Variants in BCORL1 observed in about 807,000 individuals in gnomAD.
BCORL1 encodes BCL-6 corepressor-like protein 1.
Under a neutral mutation model 87.6 loss-of-function variants are expected in BCORL1, and 7 were observed. The ratio of observed to expected loss-of-function variants is 0.08; its 90% CI spans 0.05 to 0.15. BCORL1 has a LOEUF of 0.15. Among genes scored for constraint, BCORL1 ranks in the 10% least tolerant of loss-of-function variants. BCORL1 has a pLI of 1.00. For synonymous variants in BCORL1, 591 were observed against 634.4 expected (o/e 0.93, Z 1.03); for missense variants, 1,215 against 1,499.7 (o/e 0.81, Z 3.13).
At position 130,014,775 on chromosome X, in the gene BCORL1, C is replaced by T. The variant is rs1418507497; in HGVS notation, c.2003C>T (p.Thr668Ile). 1.7e-6 allele frequency: 2 copies of T among 1,211,796 alleles called. No individual in the cohort carries two copies. Residue 668 changes from threonine to isoleucine, a missense_variant, in exon 4 of 14, where the codon ACA becomes ATA. Thr to Ile is a moderately conservative substitution (Grantham distance 89, BLOSUM62 -1). Transcript: ENST00000540052. Reference sequence around the variant, plus strand: ...ACAGTCCTGTCTAGGTCTCAGCGCACAACCCAGGCTGCCGGTGGCAATGTC... The same window carrying T: ...ACAGTCCTGTCTAGGTCTCAGCGCATAACCCAGGCTGCCGGTGGCAATGTC... The part of the protein sequence containing the change: ...LSTVLSRSQR[T>I]TQAAGGNVTS...
chrX:130,002,931 G>A (rs1359684984), intron 1 of BCORL1, among the ~76,000 whole-genome samples: 1 of 110,275 alleles, frequency 9.1e-6, no homozygotes, highest in Non-Finnish European at 1.9e-5. Context: ...CTTTGGGGTG[G>A]GCAGTGGAAG....
intron 6 of BCORL1, among the ~76,000 whole-genome samples, chrX:130,024,255 CGGTGAGGAACAGCTACAACCG>C (rs1239208240): frequency 9.0e-6 from 1 of 110,599 alleles, no homozygotes; most frequent in African/African-American, 3.3e-5. Flanking sequence ...GCTTGCCCAG[CGGTGAGGAACAGCTACAACCG>C]GGTGGAGGGA....
chrX:130,009,202 C>T (rs962089205), intron 2 of BCORL1, among the ~76,000 whole-genome samples: 1 of 111,282 alleles, frequency 9.0e-6, no homozygotes, highest in Non-Finnish European at 1.9e-5. Context: ...CGGTGACTCA[C>T]GCCTATAATC....
intron 1 of BCORL1, among the ~76,000 whole-genome samples, chrX:130,004,789 C>T (rs1028462873): frequency 8.9e-6 from 1 of 111,961 alleles, no homozygotes; most frequent in Non-Finnish European, 1.9e-5. Flanking sequence ...AGAGAGTAGA[C>T]GAGAAAAAGG....
intron 11 of BCORL1, among the ~76,000 whole-genome samples, chrX:130,045,031 T>C (rs1445046845): frequency 8.9e-6 from 1 of 112,087 alleles, no homozygotes; most frequent in African/African-American, 3.2e-5. Flanking sequence ...ACCTATTAGA[T>C]TTCAGGTGCT....
At chrX:129,993,555 G>A (rs1034204988) in intron 1 of BCORL1, among the ~76,000 whole-genome samples, 1 of 110,910 alleles carries the variant, frequency 9.0e-6, no homozygotes, top group Non-Finnish European at 1.9e-5. Context: ...AGGTATGGTG[G>A]TGCACACCTG....
At chrX:129,985,511 G>A (rs753857313) in intron 1 of BCORL1, among the ~76,000 whole-genome samples, 9 of 111,665 alleles carry the variant, frequency 8.1e-5, no homozygotes, top group African/African-American at 2.9e-4. Context: ...TCATCCCGGG[G>A]CTCCAAATAG....
intron 1 of BCORL1, among the ~76,000 whole-genome samples, chrX:130,003,939 A>G (rs773872486): frequency 8.9e-6 from 1 of 111,905 alleles, no homozygotes; most frequent in South Asian, 3.7e-4. Flanking sequence ...TCCCTCGTAC[A>G]ACTATATCTT....
chrX:130,051,676 A>G (rs772960341), intron 12 of BCORL1, among the ~76,000 whole-genome samples, 184 bp from the exon 13 acceptor site: 18 of 112,275 alleles, frequency 1.6e-4, no homozygotes, highest in African/African-American at 5.8e-4. Context: ...TAGAACTTTC[A>G]TGTGCCCTCT....
At chrX:130,017,431 T>A (rs1346635590) in intron 4 of BCORL1, among the ~76,000 whole-genome samples, 1 of 110,954 alleles carries the variant, frequency 9.0e-6, no homozygotes, top group East Asian at 2.8e-4. Flanking sequence ...TAGAGTTGTG[T>A]TTTTACATTT....
At chrX:130,039,942 T>G (rs1392208529) in intron 11 of BCORL1, among the ~76,000 whole-genome samples, 1 of 112,805 alleles carries the variant, frequency 8.9e-6, no homozygotes, top group Non-Finnish European at 1.9e-5. Flanking sequence ...TGCAGTTAGA[T>G]AGCTCTACTG....
In BCORL1 at chrX:130,050,576, G is replaced by C. The variant is rs189923831; in HGVS notation, c.4841-141G>C. 15 of 522,697 alleles carry C rather than the reference G, an allele frequency of 2.9e-5. No homozygotes were observed. In the Admixed American group the frequency reaches 3.8e-4, roughly 13 times the overall value. The allele number at this position is 522,697 out of a possible 1,213,427, so 43.1% of individuals were successfully genotyped here. A position where few individuals can be genotyped will look rare whatever the true frequency, so the allele number is the denominator to read the frequency against. ...CTCTGACTGAGAACAGGAAGTGTGT[G>C]TCTCTCTGGTCACTCCTGGACTCTC... On this transcript the variant is annotated intron_variant, in intron 11 of 13. Transcript: ENST00000540052.
Position 130,057,280 on chromosome X carries a change from T to C in BCORL1, c.*1144T>C, listed in dbSNP as rs1932447574. 9.0e-6 allele frequency: 1 copy of C among 110,966 alleles called. No homozygotes were observed. Among genetic ancestry groups the C allele is most frequent in the Admixed American group, 9.6e-5 (1 of 10,432 alleles). 9.1% of individuals were successfully genotyped at this position (110,966 alleles called of 1,213,427 possible). A position where few individuals can be genotyped will look rare whatever the true frequency, so the allele number is the denominator to read the frequency against. ...ATGTGAAATCCAGGCGTCAGCTGTT[T>C]CCTAGGCAAGGGCAGGAAAGTGGTC... On this transcript the variant is annotated 3_prime_UTR_variant, in exon 14 of 14. Transcript: ENST00000540052.
chrX:130,030,044 C>T (rs1328880298), intron 8 of BCORL1, among the ~76,000 whole-genome samples: 2 of 111,438 alleles, frequency 1.8e-5, no homozygotes, highest in Non-Finnish European at 3.8e-5. Context: ...CTTTCCCCTT[C>T]CCCCTCCCAG....
intron 6 of BCORL1, 114 bp downstream of exon 6, chrX:130,023,091 C>G (rs1929968802): frequency 1.5e-6 from 1 of 656,856 alleles, no homozygotes; most frequent in Non-Finnish European, 2.5e-6. Context: ...ATTTGATTCA[C>G]TGTGCCACAA....
At chrX:130,041,051 T>C (rs1291039129) in intron 11 of BCORL1, among the ~76,000 whole-genome samples, 1 of 110,030 alleles carries the variant, frequency 9.1e-6, no homozygotes, top group Non-Finnish European at 1.9e-5. Flanking sequence ...GGAGTAGGAA[T>C]GTGGAAACCA....
chrX:129,984,237 C>T (rs1463159229), intron 1 of BCORL1, among the ~76,000 whole-genome samples: 1 of 106,482 alleles, frequency 9.4e-6, no homozygotes, highest in African/African-American at 3.4e-5. Flanking sequence ...GCCGCCGCCG[C>T]CGCCGCTTCT....
intron 8 of BCORL1, among the ~76,000 whole-genome samples, chrX:130,031,260 C>T (rs1930584973): frequency 8.9e-6 from 1 of 112,718 alleles, no homozygotes; most frequent in Non-Finnish European, 1.9e-5. Flanking sequence ...CAGCATTGTA[C>T]CCTCATAGCT....
At position 130,014,060 on chromosome X, in the gene BCORL1, A is replaced by G. The variant is rs1929209697; in HGVS notation, c.1288A>G (p.Met430Val). The change falls in exon 4 of 14, where the codon ATG (methionine) becomes GTG (valine). Residue 430 changes from methionine (M) to valine (V), a missense_variant. By Grantham distance (21) the Met-to-Val change is conservative. This residue lies in a region of BCORL1 where 861 missense variants were observed against 1,010.0 expected (regional missense o/e 0.85). Coordinates refer to ENST00000540052, the MANE Select transcript of BCORL1 (RefSeq NM_001379451.1). ...CTTTCCTGCAGCTCAGGCACCAGCT[A>G]TGCAAAAAGTCCCCCTGTCCTTTCA... ...VCFPAAQAPA[M>V]QKVPLSFQPG... 2 of 1,208,061 alleles carry G rather than the reference A, an allele frequency of 1.7e-6. No individual in the cohort carries two copies. The highest frequency in any genetic ancestry group is 2.3e-4 in the Middle Eastern group (1 of 4,345).
Sources: gnomAD v4.1 joint callset for allele counts (sites outside exome capture counted in the v4.1 genomes callset) on GRCh38, gnomAD v4.1.1 for gene constraint, gnomAD v4.1.1 regional missense constraint, MANE v1.5 for transcripts, NCBI Gene and HGNC (gene_info 2026-07-23, HGNC 2026-07-21) for gene names.